The following DENND4C variants were observed in gnomAD, a reference collection of about 807,000 sequenced individuals.
DENND4C encodes DENN domain-containing protein 4C.
In DENND4C, 108 loss-of-function variants were observed where a neutral mutation model predicts 203.0. The ratio of observed to expected loss-of-function variants is 0.53; its 90% confidence interval spans 0.46 to 0.62. The LOEUF (loss-of-function observed/expected upper bound fraction) is 0.62, where lower values mean the gene tolerates loss of function less well. Ranked by LOEUF, DENND4C falls within the 20% of genes least tolerant of loss-of-function variation. DENND4C has a pLI of 0.00. For missense variants in DENND4C, 2,481 were observed against 2,301.2 expected (o/e 1.08, Z -1.60); for synonymous variants, 871 against 792.4 (o/e 1.10, Z -1.67).
intron 20 of DENND4C, among the ~76,000 whole-genome samples, chr9:19,340,472 T>C (rs969801843): frequency 1.0e-4 from 13 of 128,258 alleles, no homozygotes; most frequent in Non-Finnish European, 2.4e-4. Context: ...ACTGATTTTA[T>C]TTTTTTTTTA....
chr9:19,285,178 G>A (rs1235158482), intron 2 of DENND4C, among the ~76,000 whole-genome samples: 1 of 152,032 alleles, frequency 6.6e-6, no homozygotes, highest in East Asian at 1.9e-4. Context: ...TTACCTTCAT[G>A]ATAGACTAGA....
rs887905242 is a variant in DENND4C at position 19,316,300 on chromosome 9, T to G, written c.1488-117T>G. ...ACTTATTCAAATTGTTTGCATCAGT[T>G]AAGACTGTAGTAAAAACATCTTTTC... is the stretch of plus-strand genomic sequence containing the variant. On this transcript the variant is annotated intron_variant, in intron 10 of 32. Transcript: ENST00000434457. The G allele has an allele frequency of 5.5e-6, 4 of 728,904 alleles. No individual in the cohort carries two copies. In the African/African-American group the frequency reaches 7.2e-5, roughly 13 times the overall value. 45.2% of individuals were successfully genotyped at this position (728,904 alleles called of 1,614,324 possible). A position where few individuals can be genotyped will look rare whatever the true frequency, so the allele number is the denominator to read the frequency against.
intron 5 of DENND4C, among the ~76,000 whole-genome samples, 188 bp downstream of exon 5, chr9:19,291,064 C>T (rs913031051): frequency 5.9e-5 from 9 of 152,198 alleles, no homozygotes; most frequent in Non-Finnish European, 1.2e-4. Flanking sequence ...ACCTCTGGAA[C>T]TTCTACAGAA....
intron 5 of DENND4C, chr9:19,292,660 C>A (rs904529399): frequency 6.6e-6 from 1 of 151,840 alleles, no homozygotes; most frequent in African/African-American, 2.4e-5. Flanking sequence ...ATTCTCCTGC[C>A]TTGGCTCCCC....
chr9:19,263,823 AT>A (rs1564098802), intron 1 of DENND4C, among the ~76,000 whole-genome samples: 1 of 150,916 alleles, frequency 6.6e-6, no homozygotes, highest in Non-Finnish European at 1.5e-5. Context: ...GCCCGGCTAA[AT>A]TTTTTTTGTA....
chr9:19,264,217 C>T (rs977014989), intron 1 of DENND4C, among the ~76,000 whole-genome samples: 8 of 151,590 alleles, frequency 5.3e-5, no homozygotes, highest in Non-Finnish European at 1.0e-4. Flanking sequence ...CAGTATGGTT[C>T]GGTTTTGGTA....
intron 24 of DENND4C, among the ~76,000 whole-genome samples, chr9:19,351,684 G>T (rs953967434): frequency 1.3e-5 from 2 of 151,862 alleles, no homozygotes; most frequent in African/African-American, 4.8e-5. Context: ...GCGTGCGCCT[G>T]TAATCCCAGC....
intron 1 of DENND4C, among the ~76,000 whole-genome samples, chr9:19,256,985 G>A (rs1828132293): frequency 6.6e-6 from 1 of 151,826 alleles, no homozygotes; most frequent in Admixed American, 6.6e-5. Context: ...CAGGAGAATG[G>A]TGTGAACCTG....
At chr9:19,323,430 GAA>G (rs35063286) in intron 12 of DENND4C, among the ~76,000 whole-genome samples, 32 of 136,324 alleles carry the variant, frequency 2.3e-4, no homozygotes, top group African/African-American at 3.2e-4. Flanking sequence ...ACTCTGTCTG[GAA>G]AAAAAAAAAA....
chr9:19,316,388 A>G (rs1475208228), intron 10 of DENND4C, 29 bp from the exon 11 acceptor site: 2 of 1,566,638 alleles, frequency 1.3e-6, no homozygotes, highest in Non-Finnish European at 8.7e-7. Context: ...TGAATAACAC[A>G]TTTTATGAAT....
At chr9:19,290,244 T>A (rs1836016944) in intron 4 of DENND4C, among the ~76,000 whole-genome samples, 1 of 152,244 alleles carries the variant, frequency 6.6e-6, no homozygotes, top group Non-Finnish European at 1.5e-5. Flanking sequence ...TCATGTTGCA[T>A]GCCTTTTACA....
intron 1 of DENND4C, among the ~76,000 whole-genome samples, chr9:19,234,270 GC>G (rs1430640575): frequency 2.7e-5 from 4 of 150,894 alleles, no homozygotes; most frequent in Admixed American, 1.3e-4. Flanking sequence ...TCGCTCTGTT[GC>G]CCAAGCTGGA....
intron 4 of DENND4C, 39 bp from the exon 5 acceptor site, chr9:19,290,651 TTTATGGAAAAGTAA>T: frequency 7.2e-6 from 9 of 1,245,316 alleles, no homozygotes; most frequent in Non-Finnish European, 9.4e-6. Context: ...TCATATGCAA[TTTATGGAAAAGTAA>T]CTATTTAAAA....
chr9:19,353,161 G>C (rs538917872), intron 26 of DENND4C, among the ~76,000 whole-genome samples: 1 of 152,256 alleles, frequency 6.6e-6, no homozygotes, highest in African/African-American at 2.4e-5. Flanking sequence ...GTAGTATTCT[G>C]TGCAGTGAAA....
intron 1 of DENND4C, among the ~76,000 whole-genome samples, chr9:19,266,167 A>G (rs1830458006): frequency 6.6e-6 from 1 of 152,176 alleles, no homozygotes; most frequent in South Asian, 2.1e-4. Flanking sequence ...GTGAGATGGT[A>G]TCCCATTGTG....
At chr9:19,363,348 A>G (rs911293259) in intron 30 of DENND4C, among the ~76,000 whole-genome samples, 2 of 151,856 alleles carry the variant, frequency 1.3e-5, no homozygotes, top group Admixed American at 6.6e-5. Flanking sequence ...GGTCATCTCT[A>G]CTAAAAATAC....
chr9:19,255,934 C>T (rs1294603425), intron 1 of DENND4C, among the ~76,000 whole-genome samples: 1 of 152,112 alleles, frequency 6.6e-6, no homozygotes, highest in Non-Finnish European at 1.5e-5. Context: ...ATGGAATATT[C>T]ATCAAGACAG....
In DENND4C at chr9:19,352,377, A is replaced by G. The variant is rs923464235; in HGVS notation, c.4606-113A>G. 6.0e-6 allele frequency: 7 copies of G among 1,163,930 alleles called. No homozygotes were observed. The African/African-American group carries it at 1.1e-4, about 18-fold the overall frequency. 72.1% of individuals were successfully genotyped at this position (1,163,930 alleles called of 1,614,324 possible). On this transcript the variant is annotated intron_variant, in intron 25 of 32. Coordinates refer to ENST00000434457, the MANE Select transcript of DENND4C (RefSeq NM_001330640.2). ...CCTGTGAAATAAAAGAACTGTTATTAATAATTCCAAATTTGATCAGTAGAA... is the reference window on the plus strand; with the variant it reads ...CCTGTGAAATAAAAGAACTGTTATTGATAATTCCAAATTTGATCAGTAGAA...
chr9:19,332,016 T>C lies in DENND4C; in HGVS notation c.2292T>C (p.Tyr764=), dbSNP rs560076224. The C allele has an allele frequency of 1.1e-4, 180 of 1,614,080 alleles. No homozygotes were observed. The highest frequency in any genetic ancestry group is 1.4e-4 in the Non-Finnish European group (162 of 1,179,982). The change falls in exon 17 of 33, where the codon TAT becomes TAC. Residue 764 remains tyrosine (Y), a synonymous_variant. Transcript: ENST00000434457. ...KTAHKLAKRC[Y]TNPPQWAKCL... ...CTCATAAATTGGCGAAGAGATGTTATACAAATCCACCACAGTGGGCCAAGT... is the reference window on the plus strand; with the variant it reads ...CTCATAAATTGGCGAAGAGATGTTACACAAATCCACCACAGTGGGCCAAGT...
Sources: allele counts gnomAD v4.1 joint callset (sites outside exome capture counted in the v4.1 genomes callset), GRCh38; gene constraint gnomAD v4.1.1; transcripts MANE v1.5; gene names NCBI Gene and HGNC (gene_info 2026-07-23, HGNC 2026-07-21).